The following GULP1 variants were observed in gnomAD, a reference collection of about 807,000 sequenced individuals.
The protein encoded by GULP1 is PTB domain-containing engulfment adapter protein 1.
Under a neutral mutation model 40.9 loss-of-function variants are expected in GULP1, and 19 were observed. The ratio of observed to expected loss-of-function variants is 0.46; its 90% confidence interval spans 0.32 to 0.68. The LOEUF is 0.68. Among genes scored for constraint, GULP1 ranks in the 30% least tolerant of loss-of-function variants. The probability of loss-of-function intolerance (pLI) is 0.03; values close to 1 mark genes in which losing one functional copy is unlikely to be tolerated. For synonymous variants in GULP1, 119 were observed against 117.6 expected, an observed-to-expected ratio of 1.01 and a Z score of -0.08; for missense variants, 312 against 362.2, an observed-to-expected ratio of 0.86 and a Z score of 1.12.
chr2:188,402,074 A>G (rs1272475042), intron 2 of GULP1, among the ~76,000 whole-genome samples: 1 of 152,128 alleles, frequency 6.6e-6, no homozygotes, highest in Non-Finnish European at 1.5e-5. Flanking sequence ...AAGTTTCAGA[A>G]TATTAATTAT....
intron 1 of GULP1, among the ~76,000 whole-genome samples, chr2:188,356,013 T>C (rs528528629): frequency 7.5e-4 from 114 of 152,164 alleles, no homozygotes; most frequent in Non-Finnish European, 1.4e-3. Flanking sequence ...CTCAACAAAT[T>C]ATGTATAGGA....
chr2:188,570,494 T>C (rs1271588134), intron 9 of GULP1, among the ~76,000 whole-genome samples: 2 of 152,172 alleles, frequency 1.3e-5, no homozygotes, highest in African/African-American at 2.4e-5. Flanking sequence ...CTCAACTTCA[T>C]TGTAGGAATT....
intron 9 of GULP1, among the ~76,000 whole-genome samples, chr2:188,577,709 T>C (rs1317308624): frequency 6.6e-6 from 1 of 152,074 alleles, no homozygotes; most frequent in Non-Finnish European, 1.5e-5. Context: ...GTCTTACAAC[T>C]AAGAGATCAG....
At chr2:188,305,050 G>A (rs980981150) in intron 1 of GULP1, among the ~76,000 whole-genome samples, 1 of 152,036 alleles carries the variant, frequency 6.6e-6, no homozygotes, top group African/African-American at 2.4e-5. Flanking sequence ...AACACTTGTT[G>A]GAAGTCCGGG....
At chr2:188,453,722 C>T (rs2059023629) in intron 2 of GULP1, among the ~76,000 whole-genome samples, 1 of 152,066 alleles carries the variant, frequency 6.6e-6, no homozygotes, top group South Asian at 2.1e-4. Flanking sequence ...AAAGGATTGC[C>T]CTTACTCAAC....
intron 2 of GULP1, among the ~76,000 whole-genome samples, chr2:188,418,173 T>C (rs900250901): frequency 6.6e-6 from 1 of 152,178 alleles, no homozygotes; most frequent in Non-Finnish European, 1.5e-5. Context: ...GATTAAAGGA[T>C]AGTTTTTAAA....
intron 2 of GULP1, among the ~76,000 whole-genome samples, chr2:188,473,512 A>G (rs973551648): frequency 6.6e-6 from 1 of 151,886 alleles, no homozygotes; most frequent in African/African-American, 2.4e-5. Context: ...TCAATCTTTC[A>G]TCCCCTTTCC....
intron 2 of GULP1, among the ~76,000 whole-genome samples, chr2:188,456,827 G>T (rs371461625): frequency 2.1e-4 from 32 of 152,268 alleles, no homozygotes; most frequent in African/African-American, 7.2e-4. Flanking sequence ...ATGGGAGGGA[G>T]GCTGTACCCT....
At chr2:188,424,702 A>G (rs1049978179) in intron 2 of GULP1, among the ~76,000 whole-genome samples, 2 of 151,928 alleles carry the variant, frequency 1.3e-5, no homozygotes, top group African/African-American at 2.4e-5. Context: ...TAACATGTCT[A>G]TAATTTTCAC....
At chr2:188,454,906 C>G (rs981490589) in intron 2 of GULP1, among the ~76,000 whole-genome samples, 1 of 152,078 alleles carries the variant, frequency 6.6e-6, no homozygotes, top group African/African-American at 2.4e-5. Flanking sequence ...GGAGGGATTA[C>G]TTAAAGCTGA....
At chr2:188,527,834 C>T (rs1256043147) in intron 5 of GULP1, among the ~76,000 whole-genome samples, 4 of 152,112 alleles carry the variant, frequency 2.6e-5, no homozygotes, top group Non-Finnish European at 5.9e-5. Flanking sequence ...TCACTCTGTG[C>T]TCCAGGACGG....
intron 1 of GULP1, among the ~76,000 whole-genome samples, chr2:188,295,267 A>G (rs1215403595): frequency 6.6e-6 from 1 of 152,128 alleles, no homozygotes; most frequent in Non-Finnish European, 1.5e-5. Flanking sequence ...GGCCACAACA[A>G]TTTCCTTAAG....
chr2:188,549,167 CT>C (rs66799915), intron 7 of GULP1, among the ~76,000 whole-genome samples: 101,838 of 151,528 alleles, frequency 0.67, 35,050 homozygotes, highest in East Asian at 0.91. Context: ...GGAAAGCATT[CT>C]TTTTTTATCA....
chr2:188,446,895 T>C (rs746663022), intron 2 of GULP1, among the ~76,000 whole-genome samples: 3 of 152,130 alleles, frequency 2.0e-5, no homozygotes, highest in Non-Finnish European at 4.4e-5. Context: ...AGTCAAACTC[T>C]GTAAAATATT....
chr2:188,508,401 G>A (rs1387882409), intron 4 of GULP1, among the ~76,000 whole-genome samples: 1 of 152,048 alleles, frequency 6.6e-6, no homozygotes, highest in Non-Finnish European at 1.5e-5. Flanking sequence ...AATAGTGGAA[G>A]CAGAATACTT....
At position 188,383,903 on chromosome 2, in the gene GULP1, ATTGT is replaced by A. The variant is rs1326041613; in HGVS notation, c.-45+17_-45+20del. The stretch of plus-strand genomic sequence containing the variant: ...GAGCATACCCAGGTAAGAATAAATG[ATTGT>A]TTATACATTTTCCATTATTTCCAAA... On this transcript the variant is annotated intron_variant, in intron 2 of 11. Transcript: ENST00000409830. 4.6e-5 allele frequency: 7 copies of A among 152,180 alleles called. No individual in the cohort carries two copies. Among genetic ancestry groups the A allele is most frequent in the African/African-American group, 1.7e-4 (7 of 41,456 alleles). 9.4% of individuals were successfully genotyped at this position (152,180 alleles called of 1,614,324 possible).
intron 1 of GULP1, among the ~76,000 whole-genome samples, chr2:188,302,826 A>G (rs80059609): frequency 0.035 from 5,284 of 152,126 alleles, 311 homozygotes; most frequent in African/African-American, 0.12. Flanking sequence ...ACCTTCCACC[A>G]TTTCCCAGAT....
At chr2:188,505,739 C>G (rs1480524075) in intron 4 of GULP1, among the ~76,000 whole-genome samples, 1 of 151,764 alleles carries the variant, frequency 6.6e-6, no homozygotes, top group Admixed American at 6.6e-5. Flanking sequence ...TTGCTGTAAA[C>G]TCTTTCTGTC....
chr2:188,557,760 A>G (rs1039611527), intron 7 of GULP1, among the ~76,000 whole-genome samples: 10 of 152,188 alleles, frequency 6.6e-5, no homozygotes, highest in African/African-American at 2.4e-4. Flanking sequence ...GAGGGCTCCA[A>G]TCTTGCAGCA....
Sources: gnomAD v4.1 joint callset for allele counts (sites outside exome capture counted in the v4.1 genomes callset) on GRCh38, gnomAD v4.1.1 for gene constraint, MANE v1.5 for transcripts, NCBI Gene and HGNC (gene_info 2026-07-23, HGNC 2026-07-21) for gene names.